Variants in EPC2 observed in about 807,000 individuals in gnomAD.
The protein encoded by EPC2 is enhancer of polycomb 2.
In EPC2, 14 loss-of-function variants were observed where a neutral mutation model predicts 92.1. The observed-to-expected ratio is 0.15, with a 90% CI of 0.10 to 0.24. EPC2 has a LOEUF of 0.24. EPC2 is among the 10% of genes least tolerant of loss of function. The pLI is 1.00. For missense variants in EPC2, 755 were observed against 971.5 expected (o/e 0.78, Z 2.96); for synonymous variants, 340 against 334.7 (o/e 1.02, Z -0.17).
At chr2:148,650,826 C>T (rs1680667750) in intron 1 of EPC2, among the ~76,000 whole-genome samples, 1 of 151,988 alleles carries the variant, frequency 6.6e-6, no homozygotes, top group Non-Finnish European at 1.5e-5. Context: ...AATGACATGC[C>T]AGGTATTATC....
At chr2:148,652,950 C>T (rs909930692) in intron 1 of EPC2, among the ~76,000 whole-genome samples, 3 of 152,116 alleles carry the variant, frequency 2.0e-5, no homozygotes, top group Non-Finnish European at 4.4e-5. Context: ...TTAGTCTTTA[C>T]CACTTGAGTT....
chr2:148,699,085 T>C (rs1372084213), intron 2 of EPC2, among the ~76,000 whole-genome samples: 1 of 152,170 alleles, frequency 6.6e-6, no homozygotes, highest in Non-Finnish European at 1.5e-5. Flanking sequence ...ACCCAGATTA[T>C]TAGTAAACTA....
intron 2 of EPC2, among the ~76,000 whole-genome samples, chr2:148,704,562 A>G (rs1681955785): frequency 6.6e-6 from 1 of 152,222 alleles, no homozygotes; most frequent in Admixed American, 6.5e-5. Flanking sequence ...AAAAACATGC[A>G]TTGTAGGTAT....
chr2:148,675,758 A>G (rs189356045), intron 1 of EPC2, among the ~76,000 whole-genome samples: 141 of 152,172 alleles, frequency 9.3e-4, no homozygotes, highest in African/African-American at 3.3e-3. Context: ...TGTTTTTGTC[A>G]TTGTGGTTTT....
In EPC2 at chr2:148,771,107, G is replaced by A; in HGVS notation, c.1440G>A (p.Met480Ile). 1.2e-6 allele frequency: 2 copies of A among 1,613,566 alleles called. No homozygotes were observed. Among genetic ancestry groups the A allele is most frequent in the Non-Finnish European group, 1.7e-6 (2 of 1,179,624 alleles). ...DPVLKQIDPE[M>I]LNSFSSSSQT... ...TCCTGAAACAGATAGACCCTGAAAT[G>A]CTGAATAGTTTTTCAAGCTCTTCCC... is the stretch of plus-strand genomic sequence containing the variant. The change falls in exon 10 of 14, where the codon ATG becomes ATA. Residue 480 changes from methionine (M) to isoleucine (I), a missense_variant. Physicochemically the swap from Met to Ile is conservative, Grantham distance 10. Transcript: ENST00000258484.
intron 1 of EPC2, among the ~76,000 whole-genome samples, chr2:148,674,257 C>T (rs547057566): frequency 6.6e-6 from 1 of 152,196 alleles, no homozygotes. Flanking sequence ...TCCCTCTTGT[C>T]TCTGTGTGTG....
chr2:148,693,877 G>T (rs1357967242), intron 2 of EPC2, among the ~76,000 whole-genome samples: 1 of 152,108 alleles, frequency 6.6e-6, no homozygotes, highest in African/African-American at 2.4e-5. Flanking sequence ...GGTACTGTTT[G>T]CCCCACCCCT....
intron 1 of EPC2, among the ~76,000 whole-genome samples, chr2:148,656,026 G>GTGT (rs1230427174): frequency 2.6e-4 from 22 of 84,164 alleles, no homozygotes; most frequent in East Asian, 1.0e-3. Flanking sequence ...TGTGTGTGTG[G>GTGT]GGGGGGGGGG....
At chr2:148,705,888 G>T (rs187149498) in intron 2 of EPC2, among the ~76,000 whole-genome samples, 1,957 of 152,284 alleles carry the variant, frequency 0.013, 23 homozygotes, top group Non-Finnish European at 0.021. Context: ...CCACAAAGAT[G>T]GGGAGAAACC....
intron 12 of EPC2, among the ~76,000 whole-genome samples, 161 bp downstream of exon 12, chr2:148,783,917 C>T (rs1346943239): frequency 6.6e-6 from 1 of 152,140 alleles, no homozygotes; most frequent in Non-Finnish European, 1.5e-5. Flanking sequence ...TAGATGTTTT[C>T]TAGAATTCAT....
At chr2:148,663,592 A>T (rs1228179174) in intron 1 of EPC2, among the ~76,000 whole-genome samples, 21 of 74,370 alleles carry the variant, frequency 2.8e-4, no homozygotes, top group African/African-American at 7.8e-4. Context: ...ATAGATTAAG[A>T]TTTTTTTTTT....
intron 2 of EPC2, among the ~76,000 whole-genome samples, chr2:148,729,920 A>G (rs1031333152): frequency 1.3e-5 from 2 of 152,194 alleles, no homozygotes; most frequent in African/African-American, 4.8e-5. Flanking sequence ...TTGTTACTTA[A>G]TATAAAATGT....
chr2:148,783,515 C>T, intron 11 of EPC2, 82 bp from the exon 12 acceptor site: 2 of 1,315,980 alleles, frequency 1.5e-6, no homozygotes, highest in Middle Eastern at 2.2e-4. Context: ...AAGGCAACAG[C>T]CTCTTGGGTT....
At chr2:148,745,725 T>C (rs1682973822) in intron 3 of EPC2, among the ~76,000 whole-genome samples, 1 of 152,152 alleles carries the variant, frequency 6.6e-6, no homozygotes, top group African/African-American at 2.4e-5. Context: ...CTTCATTCCA[T>C]TCCCTGATCT....
intron 2 of EPC2, among the ~76,000 whole-genome samples, chr2:148,730,650 G>T (rs114017797): frequency 3.3e-5 from 5 of 152,136 alleles, no homozygotes; most frequent in African/African-American, 1.2e-4. Context: ...ACAGGCTTTC[G>T]TGATACTTAC....
chr2:148,770,653 C>T (rs1260537576), intron 8 of EPC2, 139 bp from the exon 9 acceptor site: 9 of 943,782 alleles, frequency 9.5e-6, no homozygotes, highest in Non-Finnish European at 1.2e-5. Context: ...TCAATGAAGC[C>T]CCACTTTTAC....
intron 2 of EPC2, among the ~76,000 whole-genome samples, chr2:148,703,144 AT>A (rs939664718): frequency 4.2e-4 from 64 of 152,062 alleles, no homozygotes; most frequent in African/African-American, 1.4e-3. Context: ...TGTGTTTGGT[AT>A]TTTTTTTCCT....
At chr2:148,653,982 C>T (rs1209206630) in intron 1 of EPC2, among the ~76,000 whole-genome samples, 1 of 141,838 alleles carries the variant, frequency 7.1e-6, no homozygotes, top group Non-Finnish European at 1.5e-5. Context: ...GGGTCTTGCT[C>T]TGTCACCCAG....
At chr2:148,694,985 C>G (rs1392489205) in intron 2 of EPC2, among the ~76,000 whole-genome samples, 3 of 152,188 alleles carry the variant, frequency 2.0e-5, no homozygotes, top group African/African-American at 7.2e-5. Context: ...GTTGGCCAGG[C>G]TTATCTTGGA....
Sources: gnomAD v4.1 joint callset for allele counts (sites outside exome capture counted in the v4.1 genomes callset) on GRCh38, gnomAD v4.1.1 for gene constraint, MANE v1.5 for transcripts, NCBI Gene and HGNC (gene_info 2026-07-23, HGNC 2026-07-21) for gene names.